The following MACROD2 variants were observed in gnomAD, a reference collection of about 807,000 sequenced individuals.
The protein encoded by MACROD2 is ADP-ribose glycohydrolase MACROD2.
Under a neutral mutation model 70.4 loss-of-function variants are expected in MACROD2, and 36 were observed. The ratio of observed to expected loss-of-function variants is 0.51; its 90% CI spans 0.39 to 0.68. The LOEUF is 0.68. MACROD2 is among the 30% of genes least tolerant of loss of function. The pLI, the probability that MACROD2 is intolerant of heterozygous loss-of-function variation, is 0.00. For missense variants in MACROD2, 496 were observed against 538.4 expected (o/e 0.92, Z 0.78); for synonymous variants, 172 against 178.8 (o/e 0.96, Z 0.30).
At chr20:15,563,878 C>A (rs1489237911) in intron 8 of MACROD2, among the ~76,000 whole-genome samples, 1 of 152,148 alleles carries the variant, frequency 6.6e-6, no homozygotes, top group Non-Finnish European at 1.5e-5. Context: ...GTTTTCCATG[C>A]ATATGATTCC....
At chr20:14,473,072 A>T (rs1158563335) in intron 3 of MACROD2, among the ~76,000 whole-genome samples, 3 of 152,100 alleles carry the variant, frequency 2.0e-5, no homozygotes, top group Admixed American at 1.3e-4. Flanking sequence ...ATATTTATGG[A>T]GTAGAACGTG....
chr20:14,326,127 T>G lies in MACROD2; in HGVS notation c.272-167352T>G, dbSNP rs35253731. 48,041 of 1,613,846 alleles carry G rather than the reference T, an allele frequency of 0.03. 1,115 individuals carry two copies. The highest frequency in any genetic ancestry group is 0.12 in the African/African-American group (9,151 of 75,000). On this transcript the variant is annotated intron_variant, in intron 3 of 17. Coordinates refer to ENST00000684519, the MANE Select transcript of MACROD2 (RefSeq NM_001351661.2). This position sits in a 1 kb window ranked among gnomAD's most constrained non-coding sequence, Gnocchi z 5.5. ...GGGCTGTGACCAAGTACTCACTGCG[T>G]TCCCCTGTTACAATTGTTTCTGTTA...
chr20:14,551,712 T>G (rs1348602840), intron 4 of MACROD2, among the ~76,000 whole-genome samples: 3 of 152,166 alleles, frequency 2.0e-5, no homozygotes, highest in African/African-American at 7.2e-5. Flanking sequence ...AAGGAATATA[T>G]AAGAATAGAC....
chr20:14,740,601 C>A (rs1270853213), intron 5 of MACROD2, among the ~76,000 whole-genome samples: 1 of 152,048 alleles, frequency 6.6e-6, no homozygotes, highest in Admixed American at 6.6e-5. Flanking sequence ...TGTAAATGGT[C>A]TTCTGGGTAC....
intron 5 of MACROD2, among the ~76,000 whole-genome samples, chr20:14,790,953 C>T (rs2072443596): frequency 6.6e-6 from 1 of 152,036 alleles, no homozygotes; most frequent in Admixed American, 6.6e-5. Flanking sequence ...GACCTAAGTG[C>T]TTGAGGCAGA....
intron 8 of MACROD2, among the ~76,000 whole-genome samples, chr20:15,807,084 T>C (rs186017549): frequency 9.2e-5 from 14 of 152,222 alleles, no homozygotes; most frequent in Admixed American, 2.6e-4. Flanking sequence ...AACCTATGCA[T>C]GTATTTCCAG....
In MACROD2 at chr20:15,757,372, A is replaced by ATT. The variant is rs201520283; in HGVS notation, c.646-105363_646-105362dup. Among the ~76,000 whole-genome samples the ATT allele has an allele frequency of 8.7e-5, 13 of 149,708 alleles. 1 individual carries two copies. In the South Asian group the frequency reaches 1.5e-3, roughly 17 times the overall value. ...AAAGTTACCTGTACTTAGTAGGGCA[A>ATT]TTTTTTTTTTTCTAATTCTGTTGGA... On this transcript the variant is annotated intron_variant, in intron 8 of 17. Coordinates refer to ENST00000684519, the MANE Select transcript of MACROD2 (RefSeq NM_001351661.2).
intron 3 of MACROD2, among the ~76,000 whole-genome samples, chr20:14,418,204 A>G (rs1568603129): frequency 1.3e-5 from 2 of 152,234 alleles, no homozygotes; most frequent in Non-Finnish European, 2.9e-5. Flanking sequence ...GATTAAAGAT[A>G]TAACTTCAGA....
In MACROD2 at chr20:14,326,614, G is replaced by C. The variant is rs2082739729; in HGVS notation, c.272-166865G>C. On this transcript the variant is annotated intron_variant, in intron 3 of 17. Coordinates refer to ENST00000684519, the MANE Select transcript of MACROD2 (RefSeq NM_001351661.2). The surrounding 1 kb of genome is among the most constrained non-coding windows in gnomAD (Gnocchi z 5.5). The stretch of plus-strand genomic sequence containing the variant: ...GGGATTGTTGCGAAGAATCAGTTGT[G>C]TTATATTGTCCAAATCATCAAAGAT... 3.7e-6 allele frequency: 6 copies of C among 1,613,718 alleles called. No individual in the cohort carries two copies. In the African/African-American group the frequency reaches 8.0e-5, roughly 22 times the overall value.
chr20:14,023,247 GTTGT>G (rs763192340), intron 2 of MACROD2, among the ~76,000 whole-genome samples: 1 of 151,968 alleles, frequency 6.6e-6, no homozygotes. Flanking sequence ...TTTTGATGGG[GTTGT>G]TTCTTTCTTG....
intron 6 of MACROD2, among the ~76,000 whole-genome samples, chr20:15,411,686 A>G (rs981886449): frequency 6.6e-6 from 1 of 152,204 alleles, no homozygotes; most frequent in African/African-American, 2.4e-5. Flanking sequence ...TGATAATTTT[A>G]TGTTTTGGCT....
At chr20:15,729,895 C>T (rs2050921896) in intron 8 of MACROD2, among the ~76,000 whole-genome samples, 1 of 128,634 alleles carries the variant, frequency 7.8e-6, no homozygotes, top group Non-Finnish European at 1.6e-5. Context: ...ATGGTGCAAT[C>T]TCAGCTCACT....
chr20:14,407,530 G>A (rs1022012388), intron 3 of MACROD2, among the ~76,000 whole-genome samples: 1 of 152,008 alleles, frequency 6.6e-6, no homozygotes, highest in Non-Finnish European at 1.5e-5. Context: ...TTCAACATTA[G>A]GTTTCGATGT....
In MACROD2 at chr20:13,995,716, G is replaced by A. The variant is rs375766434; in HGVS notation, c.-48G>A. 340 of 979,022 alleles carry A rather than the reference G, an allele frequency of 3.5e-4. No homozygotes were observed. Among genetic ancestry groups the A allele is most frequent in the Non-Finnish European group, 4.9e-4 (331 of 671,984 alleles). The allele number at this position is 979,022 out of a possible 1,614,324, so 60.6% of individuals were successfully genotyped here. A position where few individuals can be genotyped will look rare whatever the true frequency, so the allele number is the denominator to read the frequency against. On this transcript the variant is annotated 5_prime_UTR_variant, in exon 1 of 18. In the 5' UTR this introduces an upstream ATG that the reference lacks. Transcript: ENST00000684519. This position sits in a 1 kb window ranked among gnomAD's most constrained non-coding sequence, Gnocchi z 4.3. ...CACTCCACACACACCCTGTTTGCCC[G>A]TGAGCCTGGGGAACTTGCAGCTTAA... is the stretch of plus-strand genomic sequence containing the variant.
intron 4 of MACROD2, among the ~76,000 whole-genome samples, chr20:14,648,217 G>A (rs1306550235): frequency 1.3e-5 from 2 of 152,164 alleles, no homozygotes; most frequent in Admixed American, 6.6e-5. Flanking sequence ...CTAAAGATCA[G>A]AATGCTTTCT....
intron 8 of MACROD2, among the ~76,000 whole-genome samples, chr20:15,777,889 G>C (rs1187602178): frequency 6.6e-6 from 1 of 152,138 alleles, no homozygotes; most frequent in African/African-American, 2.4e-5. Context: ...GGTCTTGAGA[G>C]ATCTGCCTGC....
At chr20:14,903,745 C>G (rs1436442845) in intron 5 of MACROD2, among the ~76,000 whole-genome samples, 1 of 151,936 alleles carries the variant, frequency 6.6e-6, no homozygotes, top group East Asian at 1.9e-4. Flanking sequence ...GGTAACTGTT[C>G]CCGGCCAGTA....
intron 4 of MACROD2, among the ~76,000 whole-genome samples, chr20:14,563,228 C>T (rs548981891): frequency 1.3e-5 from 2 of 151,828 alleles, no homozygotes; most frequent in East Asian, 3.9e-4. Flanking sequence ...ACGTTAGTCC[C>T]TGGTAGGGGG....
chr20:15,701,666 A>C (rs1293417606), intron 8 of MACROD2, among the ~76,000 whole-genome samples: 1 of 152,112 alleles, frequency 6.6e-6, no homozygotes, highest in Non-Finnish European at 1.5e-5. Context: ...TTTAAAAGTA[A>C]TTTTGACTTT....
Sources: allele counts gnomAD v4.1 joint callset (sites outside exome capture counted in the v4.1 genomes callset), GRCh38; gene constraint gnomAD v4.1.1; non-coding constraint Gnocchi (gnomAD v3.1); transcripts MANE v1.5; gene names NCBI Gene and HGNC (gene_info 2026-07-23, HGNC 2026-07-21).